DCLK1: variants seen among roughly 807,000 people sequenced by gnomAD.
The protein encoded by DCLK1 is doublecortin like kinase 1, also known as serine/threonine-protein kinase DCLK1.
DCLK1 carries 16 observed loss-of-function variants against 86.2 expected under a neutral mutation model. That is an observed-to-expected ratio of 0.19 (90% CI 0.13 to 0.28). The LOEUF is 0.28. Ranked by LOEUF, DCLK1 falls within the 10% of genes least tolerant of loss-of-function variation. DCLK1 has a pLI of 1.00. For missense variants in DCLK1, 590 were observed against 940.2 expected, an observed-to-expected ratio of 0.63 and a Z score of 4.87; for synonymous variants, 369 against 370.5, an observed-to-expected ratio of 1.00 and a Z score of 0.05.
At position 36,121,015 on chromosome 13, in the gene DCLK1, T is replaced by C. The variant is rs1885970034; in HGVS notation, c.376+4747A>G. 2.6e-5 allele frequency among the ~76,000 whole-genome samples: 4 copies of C among 152,212 alleles called. No individual in the cohort carries two copies. The South Asian group carries it at 8.3e-4, about 32-fold the overall frequency. ...CCCAACAATATTACTTCTAGGAATTTATCCTAAAGATATTCTCCTACATGA... is the reference window on the plus strand; with the variant it reads ...CCCAACAATATTACTTCTAGGAATTCATCCTAAAGATATTCTCCTACATGA... On this transcript the variant is annotated intron_variant, in intron 2 of 16. Transcript: ENST00000360631.
intron 3 of DCLK1, among the ~76,000 whole-genome samples, chr13:36,000,340 ACT>A (rs1880658066): frequency 6.6e-6 from 1 of 151,846 alleles, no homozygotes; most frequent in South Asian, 2.1e-4. Flanking sequence ...CTGCAAGAAC[ACT>A]CTCTGGCATG....
chr13:35,907,972 T>C (rs1454129738), intron 4 of DCLK1, among the ~76,000 whole-genome samples: 2 of 152,022 alleles, frequency 1.3e-5, no homozygotes, highest in Admixed American at 6.6e-5. Context: ...TCTAAGAACA[T>C]TTAATTTTTT....
At chr13:36,113,676 C>A (rs756733187) in intron 2 of DCLK1, among the ~76,000 whole-genome samples, 2 of 152,000 alleles carry the variant, frequency 1.3e-5, no homozygotes, top group Non-Finnish European at 2.9e-5. Context: ...ACAAGTCCCT[C>A]AGATTTCTGG....
intron 16 of DCLK1, among the ~76,000 whole-genome samples, chr13:35,792,858 T>C (rs1056648703): frequency 6.6e-6 from 1 of 152,222 alleles, no homozygotes. Flanking sequence ...CAAGACATCG[T>C]GACTTCGTTG....
At chr13:35,939,812 G>A (rs1183367410) in intron 4 of DCLK1, among the ~76,000 whole-genome samples, 6 of 152,186 alleles carry the variant, frequency 3.9e-5, no homozygotes, top group Admixed American at 3.9e-4. Flanking sequence ...GCCCACAGAT[G>A]CAATGTAAAC....
intron 16 of DCLK1, 85 bp from the exon 17 acceptor site, chr13:35,774,784 G>GA: frequency 6.9e-7 from 1 of 1,443,092 alleles, no homozygotes; most frequent in Non-Finnish European, 9.4e-7. Flanking sequence ...TCTGAGGTCA[G>GA]AAAAAATACA....
Position 36,089,899 on chromosome 13 carries a change from CATT to C in DCLK1, c.723+21967_723+21969del, listed in dbSNP as rs376769443. ...GCTTTTTACTCTCCTGGTGACTAAT[CATT>C]ATTTCACATCAATTGGAGAGGATTA... On this transcript the variant is annotated intron_variant, in intron 3 of 16. Transcript: ENST00000360631. 2.8e-4 allele frequency among the ~76,000 whole-genome samples: 42 copies of C among 152,304 alleles called. No individual in the cohort carries two copies. In the East Asian group the frequency reaches 8.1e-3, roughly 29 times the overall value.
At position 36,036,486 on chromosome 13, in the gene DCLK1, C is replaced by T. The variant is rs188261180; in HGVS notation, c.723+75383G>A. On this transcript the variant is annotated intron_variant, in intron 3 of 16. Transcript: ENST00000360631. Reference sequence around the variant, plus strand: ...TATGTTTTTTCTTGGACTCCTTGAACGGCAAGTCGAATAAATACCTTGATG... The same window carrying T: ...TATGTTTTTTCTTGGACTCCTTGAATGGCAAGTCGAATAAATACCTTGATG... Among the ~76,000 whole-genome samples the T allele has an allele frequency of 4.2e-3, 632 of 152,262 alleles. 4 individuals are homozygous for T. The highest frequency in any genetic ancestry group is 0.014 in the African/African-American group (600 of 41,556).
chr13:36,032,973 G>A (rs547430829), intron 3 of DCLK1, among the ~76,000 whole-genome samples: 1 of 152,168 alleles, frequency 6.6e-6, no homozygotes, highest in African/African-American at 2.4e-5. Flanking sequence ...GGCAGTAGCT[G>A]GGACCTAGTA....
intron 4 of DCLK1, among the ~76,000 whole-genome samples, chr13:35,900,948 G>C (rs968963983): frequency 2.0e-5 from 3 of 152,108 alleles, no homozygotes; most frequent in South Asian, 4.1e-4. Flanking sequence ...TATGCCACAG[G>C]GAGAAATTAA....
chr13:36,063,615 G>T (rs1307508637), intron 3 of DCLK1, among the ~76,000 whole-genome samples: 1 of 152,186 alleles, frequency 6.6e-6, no homozygotes, highest in East Asian at 1.9e-4. Flanking sequence ...ACACCTGCCA[G>T]ACCACTCACC....
intron 3 of DCLK1, among the ~76,000 whole-genome samples, chr13:36,074,542 G>T (rs1884111174): frequency 1.4e-5 from 2 of 138,664 alleles, no homozygotes; most frequent in Non-Finnish European, 3.1e-5. Context: ...CAGTTTATTT[G>T]GGATCTTATT....
intron 5 of DCLK1, among the ~76,000 whole-genome samples, chr13:35,857,214 G>A (rs1384245595): frequency 6.6e-6 from 1 of 152,062 alleles, no homozygotes; most frequent in East Asian, 1.9e-4. Flanking sequence ...AGGAGGGACT[G>A]TCCCTTCTCT....
chr13:36,075,730 G>T (rs1884177950), intron 3 of DCLK1, among the ~76,000 whole-genome samples: 1 of 152,092 alleles, frequency 6.6e-6, no homozygotes, highest in Non-Finnish European at 1.5e-5. Flanking sequence ...AGAAATGCTA[G>T]TGTTGACCGG....
chr13:36,072,279 T>C (rs1050816436), intron 3 of DCLK1, among the ~76,000 whole-genome samples: 1 of 152,186 alleles, frequency 6.6e-6, no homozygotes, highest in Non-Finnish European at 1.5e-5. Context: ...CCAGATATGC[T>C]TTCAGGGCAT....
intron 11 of DCLK1, among the ~76,000 whole-genome samples, chr13:35,817,502 T>C (rs1033631381): frequency 1.3e-5 from 2 of 152,330 alleles, no homozygotes; most frequent in East Asian, 3.9e-4. Flanking sequence ...AAAGTTTTTC[T>C]AAAGTTAACC....
At chr13:35,810,256 T>G (rs548323062) in intron 12 of DCLK1, among the ~76,000 whole-genome samples, 2 of 152,132 alleles carry the variant, frequency 1.3e-5, no homozygotes, top group Non-Finnish European at 2.9e-5. Flanking sequence ...GTAAAGGAGT[T>G]TCAGGCCTAG....
intron 6 of DCLK1, chr13:35,848,563 C>CT (rs1870381396): frequency 1.0e-6 from 1 of 985,208 alleles, no homozygotes; most frequent in South Asian, 4.7e-5. Context: ...GCAATTAGTA[C>CT]AAGTCCAGTT....
chr13:35,791,344 C>T (rs1375458882), intron 16 of DCLK1, among the ~76,000 whole-genome samples: 1 of 151,066 alleles, frequency 6.6e-6, no homozygotes, highest in East Asian at 1.9e-4. Flanking sequence ...CTCAGCATTA[C>T]ACAGCCCACT....
Sources: allele counts gnomAD v4.1 joint callset (sites outside exome capture counted in the v4.1 genomes callset), GRCh38; gene constraint gnomAD v4.1.1; transcripts MANE v1.5; gene names NCBI Gene and HGNC (gene_info 2026-07-23, HGNC 2026-07-21).